Variants in C4orf50 observed in about 807,000 individuals in gnomAD.
C4orf50 encodes uncharacterized protein C4orf50.
Under a neutral mutation model 77.2 loss-of-function variants are expected in C4orf50, and 80 were observed. The ratio of observed to expected loss-of-function variants is 1.04; its 90% confidence interval spans 0.87 to 1.25. The LOEUF is 1.25. Ranked by LOEUF, C4orf50 falls within the 50% of genes most tolerant of loss-of-function variation. C4orf50 has a pLI of 0.00. For missense variants in C4orf50, 1,257 were observed against 1,152.9 expected (o/e 1.09, Z -1.31); for synonymous variants, 532 against 465.3 (o/e 1.14, Z -1.84).
intron 28 of C4orf50, among the ~76,000 whole-genome samples, chr4:5,987,871 A>G (rs543806154): frequency 6.6e-6 from 1 of 152,344 alleles, no homozygotes; most frequent in South Asian, 2.1e-4. Flanking sequence ...CATGTGGCCT[A>G]AAAGTCACAG....
chr4:5,934,969 T>C (rs997559887), intron 7 of C4orf50, among the ~76,000 whole-genome samples: 1 of 152,192 alleles, frequency 6.6e-6, no homozygotes, highest in Non-Finnish European at 1.5e-5. Flanking sequence ...TTAGCAGCTC[T>C]GTGCTTCAGT....
intron 28 of C4orf50, among the ~76,000 whole-genome samples, chr4:5,986,545 T>C (rs922628908): frequency 4.1e-4 from 62 of 151,674 alleles, no homozygotes; most frequent in African/African-American, 1.5e-3. Flanking sequence ...GTCATTTTTT[T>C]TTTTTTTTTT....
rs1219827690 is a variant in C4orf50 at position 5,992,483 on chromosome 4, G to A, written c.1221+320C>T. ...ACCTTGGGGAGTCACAGCAGCCCTT[G>A]GAGTCTCATCTCCTCTCCAGAGCAG... On this transcript the variant is annotated intron_variant, in intron 27 of 33. Transcript: ENST00000531445. This position sits in a 1 kb window ranked among gnomAD's most constrained non-coding sequence, Gnocchi z 5.0. Among the ~76,000 whole-genome samples, 1 of 152,008 alleles carries A rather than the reference G, an allele frequency of 6.6e-6. No individual in the cohort carries two copies. Among genetic ancestry groups the A allele is most frequent in the Non-Finnish European group, 1.5e-5 (1 of 67,986 alleles).
At chr4:5,998,082 A>G (rs61004004) in intron 25 of C4orf50, among the ~76,000 whole-genome samples, 28,529 of 152,186 alleles carry the variant, frequency 0.19, 2,907 homozygotes, top group African/African-American at 0.23. Flanking sequence ...CTCAGGCATA[A>G]ACCTTTTTTA....
intron 7 of C4orf50, among the ~76,000 whole-genome samples, chr4:5,910,603 A>C (rs1716760497): frequency 6.6e-6 from 1 of 152,162 alleles, no homozygotes; most frequent in African/African-American, 2.4e-5. Context: ...ATGACCCCAC[A>C]ATAATCACCC....
At chr4:6,001,397 T>C (rs1158703023) in intron 25 of C4orf50, among the ~76,000 whole-genome samples, 1 of 152,242 alleles carries the variant, frequency 6.6e-6, no homozygotes. Context: ...TGTTCCATGA[T>C]ATTTTATGCT....
intron 7 of C4orf50, among the ~76,000 whole-genome samples, chr4:5,936,918 C>CTTCTTCATGAA (rs1255209679): frequency 2.6e-5 from 4 of 151,796 alleles, no homozygotes; most frequent in African/African-American, 9.7e-5. Flanking sequence ...ACAGCAATAA[C>CTTCTTCATGAA]AGGCGTCTTC....
At chr4:5,913,030 G>C (rs1310744420) in intron 7 of C4orf50, among the ~76,000 whole-genome samples, 1 of 152,182 alleles carries the variant, frequency 6.6e-6, no homozygotes, top group Non-Finnish European at 1.5e-5. Flanking sequence ...GCCCTGGCAG[G>C]GGCCGTATCT....
Position 5,998,301 on chromosome 4 carries a change from G to T in C4orf50, c.964-3825C>A, listed in dbSNP as rs368609601. ...TTTTATTAAGACCACTGGCCATTTT[G>T]TACTTCCTTTTACATTATTTGCATG... On this transcript the variant is annotated intron_variant, in intron 25 of 33. Transcript: ENST00000531445. 2.0e-5 allele frequency among the ~76,000 whole-genome samples: 3 copies of T among 152,166 alleles called. No individual in the cohort carries two copies. In the East Asian group the frequency reaches 5.8e-4, roughly 29 times the overall value.
chr4:5,973,831 G>A (rs201995107), exon 31 of C4orf50: 20 of 1,611,296 alleles, frequency 1.2e-5, no homozygotes, highest in African/African-American at 4.0e-5. Context: ...GACGAGGGAA[G>A]CTATCTTGGC....
At chr4:5,973,864 A>G in intron 30 of C4orf50, 23 bp from the exon 9 acceptor site, 1 of 1,584,468 alleles carries the variant, frequency 6.3e-7, no homozygotes, top group Non-Finnish European at 8.6e-7. Flanking sequence ...GAGGCCATGG[A>G]TGCAGAGCTC....
In C4orf50 at chr4:5,917,191, G is replaced by A. The variant is rs75230730; in HGVS notation, c.*2475-19003C>T. On this transcript the variant is annotated intron_variant, in intron 7 of 7. Coordinates refer to the C4orf50 transcript ENST00000324058. ...AGGCTCAAGAGTCATTGAGTAACTT[G>A]TCTAAAATCTGAGAAGGTGAGCTCA... Among the ~76,000 whole-genome samples the A allele has an allele frequency of 1.3e-3, 205 of 152,292 alleles. 1 individual carries two copies. Among genetic ancestry groups the A allele is most frequent in the African/African-American group, 4.7e-3 (196 of 41,556 alleles).
chr4:6,011,475 C>T lies in C4orf50; in HGVS notation c.426+355G>A, dbSNP rs578228457. Among the ~76,000 whole-genome samples, 1 of 152,216 alleles carries T rather than the reference C, an allele frequency of 6.6e-6. No homozygotes were observed. Among genetic ancestry groups the T allele is most frequent in the Admixed American group, 6.5e-5 (1 of 15,300 alleles). ...TGGGGGATCGCACACTCCCCCATGG[C>T]ACCCCACATCCGGGTTTAGAGTTAT... On this transcript the variant is annotated intron_variant, in intron 24 of 33. Coordinates refer to ENST00000531445, the Ensembl canonical transcript of C4orf50. The surrounding 1 kb of genome is among the most constrained non-coding windows in gnomAD (Gnocchi z 4.2).
At chr4:5,964,095 CA>C (rs1719417059) in intron 33 of C4orf50, among the ~76,000 whole-genome samples, 3 of 152,092 alleles carry the variant, frequency 2.0e-5, no homozygotes, top group Non-Finnish European at 4.4e-5. Flanking sequence ...CTTGTGGGAC[CA>C]AAACTGAATA....
At chr4:5,931,972 G>A (rs1259217573) in intron 7 of C4orf50, among the ~76,000 whole-genome samples, 1 of 152,140 alleles carries the variant, frequency 6.6e-6, no homozygotes, top group Non-Finnish European at 1.5e-5. Flanking sequence ...CAGAGGAGAA[G>A]ACAGGCAATG....
In C4orf50 at chr4:5,920,943, G is replaced by C. The variant is rs1057506269; in HGVS notation, c.*2475-22755C>G. Reference sequence around the variant, plus strand: ...AATGGCTGAGCCCATGGGAAGCCTCGGGTTGTACGATGCTTCCAGGAGTGG... The same window carrying C: ...AATGGCTGAGCCCATGGGAAGCCTCCGGTTGTACGATGCTTCCAGGAGTGG... On this transcript the variant is annotated intron_variant, in intron 7 of 7. Coordinates refer to the C4orf50 transcript ENST00000324058. 2.7e-5 allele frequency among the ~76,000 whole-genome samples: 4 copies of C among 150,520 alleles called. No homozygotes were observed. The Admixed American group carries it at 2.7e-4, about 10-fold the overall frequency.
chr4:5,910,142 A>G (rs1236046732), intron 7 of C4orf50, among the ~76,000 whole-genome samples: 1 of 152,180 alleles, frequency 6.6e-6, no homozygotes, highest in East Asian at 1.9e-4. Flanking sequence ...TTTATACAAG[A>G]TCTGTCAGAC....
At position 5,942,233 on chromosome 4, in the gene C4orf50, T is replaced by C. The variant is rs562982211; in HGVS notation, c.*2474+14668A>G. On this transcript the variant is annotated intron_variant, in intron 7 of 7. Coordinates refer to the C4orf50 transcript ENST00000324058. ...TAACAATCAACGCCAGACAAATCAA[T>C]AGCAGCATCCACAGTGCCAATCTGG... Among the ~76,000 whole-genome samples, 243 of 152,244 alleles carry C rather than the reference T, an allele frequency of 1.6e-3. 2 individuals carry two copies. Among genetic ancestry groups the C allele is most frequent in the African/African-American group, 5.7e-3 (238 of 41,548 alleles).
chr4:5,978,074 C>T (rs879688552), intron 29 of C4orf50, among the ~76,000 whole-genome samples: 1 of 152,166 alleles, frequency 6.6e-6, no homozygotes, highest in Non-Finnish European at 1.5e-5. Flanking sequence ...AAAAGATGTT[C>T]CACATTATTA....
Sources: allele counts gnomAD v4.1 joint callset (sites outside exome capture counted in the v4.1 genomes callset), GRCh38; gene constraint gnomAD v4.1.1; non-coding constraint Gnocchi (gnomAD v3.1); transcripts MANE v1.5; gene names NCBI Gene and HGNC (gene_info 2026-07-23, HGNC 2026-07-21).